Variants in ASMTL observed in about 807,000 individuals in gnomAD.
The protein encoded by ASMTL is acetylserotonin O-methyltransferase like.
In ASMTL, 57 loss-of-function variants were observed where a neutral mutation model predicts 60.3. That is an observed-to-expected ratio of 0.95 (90% CI 0.76 to 1.18). The LOEUF is 1.18. Among genes scored for constraint, ASMTL ranks in the 50% most tolerant of loss-of-function variants. The pLI is 0.00. For missense variants in ASMTL, 981 were observed against 852.6 expected (o/e 1.15, Z -1.88); for synonymous variants, 419 against 373.0 (o/e 1.12, Z -1.42).
chrX:1,428,883 C>T (rs1482484437), intron 6 of ASMTL, among the ~76,000 whole-genome samples: 1 of 142,990 alleles, frequency 7.0e-6, no homozygotes, highest in Non-Finnish European at 1.5e-5. Flanking sequence ...TTCCTCCTGT[C>T]TCACTTTTTT....
intron 3 of ASMTL, among the ~76,000 whole-genome samples, chrX:1,437,483 C>A (rs1351579330): frequency 1.3e-5 from 2 of 151,930 alleles, no homozygotes; most frequent in Non-Finnish European, 2.9e-5. Context: ...CCGTCTTCCC[C>A]CTGTGTCCTC....
At chrX:1,434,907 C>A in intron 5 of ASMTL, 115 bp downstream of exon 5, 1 of 1,100,806 alleles carries the variant, frequency 9.1e-7, no homozygotes, top group Non-Finnish European at 1.4e-6. Context: ...AGGCACAAAC[C>A]CCTCCACAGG....
At position 1,421,877 on chromosome X, in the gene ASMTL, C is replaced by T. The variant is rs200978780; in HGVS notation, c.1061-35G>A. Reference sequence around the variant, plus strand: ...TGGGGACAGTCGTGTGACCTCCTAACGAGAAAACCCAAGGAAACCTGACCG... The same window carrying T: ...TGGGGACAGTCGTGTGACCTCCTAATGAGAAAACCCAAGGAAACCTGACCG... On this transcript the variant is annotated intron_variant, in intron 8 of 12. Transcript: ENST00000381317. 6.4e-5 allele frequency: 103 copies of T among 1,605,866 alleles called. No homozygotes were observed. In the East Asian group the frequency reaches 1.2e-3, roughly 19 times the overall value.
chrX:1,452,779 GA>G lies in ASMTL; in HGVS notation c.61del (p.Ser21ProfsTer71), dbSNP rs778776897. ...LHKRVVLASA[S>X]PRRQEILSNA... ...GCTGAGGATCTCCTGACGGCGTGGG[GA>G]GGCGCTGGCCAGCACCACGCGCTTG... On this transcript the variant is annotated frameshift_variant, in exon 1 of 13. Coordinates refer to ENST00000381317, the MANE Select transcript of ASMTL (RefSeq NM_004192.4). LOFTEE classifies it high-confidence loss of function. 4.5e-5 allele frequency: 72 copies of G among 1,597,048 alleles called. No homozygotes were observed. The highest frequency in any genetic ancestry group is 5.8e-5 in the Non-Finnish European group (68 of 1,177,462).
chrX:1,411,721 G>A (rs773582587), intron 12 of ASMTL, among the ~76,000 whole-genome samples: 1 of 101,714 alleles, frequency 9.8e-6, no homozygotes, highest in South Asian at 2.6e-4. Context: ...CCTCCTCAGT[G>A]TGAAGACCTC....
At position 1,439,173 on chromosome X, in the gene ASMTL, G is replaced by A. The variant is rs185683554; in HGVS notation, c.226-29C>T. 3.7e-5 allele frequency: 60 copies of A among 1,612,788 alleles called. 1 individual carries two copies. The African/African-American group carries it at 3.7e-4, about 10-fold the overall frequency. ...TAAGAAAACCAGATTCCGGTTTACC[G>A]GTGACGTGCCGTGGGTCTCACAGAG... is the stretch of plus-strand genomic sequence containing the variant. On this transcript the variant is annotated intron_variant, in intron 2 of 12. Transcript: ENST00000381317.
chrX:1,416,802 GCA>G (rs1328539898), intron 11 of ASMTL, among the ~76,000 whole-genome samples: 10 of 142,900 alleles, frequency 7.0e-5, no homozygotes, highest in Non-Finnish European at 1.2e-4. Flanking sequence ...GCAGTGACAT[GCA>G]CACACACCAT....
rs1323625098 is a variant in ASMTL, at chrX:1,417,643, CCACACAGACACA to C, written c.1522+318_1522+329del. ...CACACACAGACATGCACACATATAC[CCACACAGACACA>C]CACACATACTCTCACAGAAACATAT... On this transcript the variant is annotated intron_variant, in intron 11 of 12. Transcript: ENST00000381317. Among the ~76,000 whole-genome samples the C allele has an allele frequency of 8.0e-5, 12 of 150,844 alleles. 1 individual carries two copies. Among genetic ancestry groups the C allele is most frequent in the East Asian group, 3.9e-4 (2 of 5,116 alleles).
chrX:1,410,945 G>A lies in ASMTL; in HGVS notation c.1645+1787C>T, dbSNP rs373031770. Among the ~76,000 whole-genome samples, 58 of 152,078 alleles carry A rather than the reference G, an allele frequency of 3.8e-4. 1 individual carries two copies. Among genetic ancestry groups the A allele is most frequent in the African/African-American group, 1.3e-3 (55 of 41,518 alleles). On this transcript the variant is annotated intron_variant, in intron 12 of 12. Transcript: ENST00000381317. ...TCACGCCTGTAATCCCAACACTTTG[G>A]GAGTCCCAGCTGGGTGGATCACCCG...
chrX:1,419,189 G>T (rs766703983), intron 9 of ASMTL, 75 bp from the exon 10 acceptor site: 10 of 1,560,072 alleles, frequency 6.4e-6, no homozygotes, highest in African/African-American at 4.0e-5. Context: ...CTGGGGGTCG[G>T]GGGGAGAAGT....
At chrX:1,451,836 C>A (rs1372144902) in intron 1 of ASMTL, among the ~76,000 whole-genome samples, 2 of 146,538 alleles carry the variant, frequency 1.4e-5, no homozygotes, top group Non-Finnish European at 3.0e-5. Flanking sequence ...GGGTTACTCT[C>A]CCCATCCCCA....
Position 1,439,086 on chromosome X carries a change from G to A in ASMTL, c.273+11C>T. 1 of 1,613,876 alleles carries A rather than the reference G, an allele frequency of 6.2e-7. No individual in the cohort carries two copies. The highest frequency in any genetic ancestry group is 8.5e-7 in the Non-Finnish European group (1 of 1,179,750). ...CGGACATTAGAAACGAGGCACCCTG[G>A]CCGCACTCACCACGATCGTGTCCGC... On this transcript the variant is annotated intron_variant, in intron 3 of 12. Transcript: ENST00000381317.
chrX:1,407,968 G>T (rs1406541759), intron 12 of ASMTL, among the ~76,000 whole-genome samples: 2 of 152,116 alleles, frequency 1.3e-5, no homozygotes, highest in Non-Finnish European at 2.9e-5. Context: ...ATTTTGGGAG[G>T]CTGAGGCAGG....
chrX:1,426,232 C>G (rs1392568117), intron 7 of ASMTL, among the ~76,000 whole-genome samples: 1 of 152,116 alleles, frequency 6.6e-6, no homozygotes, highest in African/African-American at 2.4e-5. Flanking sequence ...GACCTCCAGC[C>G]TCCAGGACTG....
intron 4 of ASMTL, 137 bp downstream of exon 4, chrX:1,435,557 C>T (rs1359535102): frequency 1.2e-6 from 1 of 812,374 alleles, no homozygotes; most frequent in Non-Finnish European, 2.1e-6. Context: ...ATAGCTCAGA[C>T]AGCACAGCTC....
At chrX:1,443,002 A>G (rs1378366979) in intron 1 of ASMTL, among the ~76,000 whole-genome samples, 6 of 152,222 alleles carry the variant, frequency 3.9e-5, no homozygotes, top group African/African-American at 1.4e-4. Context: ...GCCATCTTGG[A>G]CACACACCGC....
chrX:1,417,829 C>A, intron 11 of ASMTL, 144 bp downstream of exon 11: 1 of 1,038,328 alleles, frequency 9.6e-7, no homozygotes. Flanking sequence ...ACACAAGCAC[C>A]GTAGACAGTC....
chrX:1,420,295 T>TTGTCTCCC (rs1569532626), intron 9 of ASMTL, among the ~76,000 whole-genome samples: 1 of 151,166 alleles, frequency 6.6e-6, no homozygotes, highest in Non-Finnish European at 1.5e-5. Context: ...GTCTCCCTGT[T>TTGTCTCCC]TCTGTCTCCC....
intron 11 of ASMTL, among the ~76,000 whole-genome samples, chrX:1,414,859 T>C (rs1460856972): frequency 6.6e-6 from 1 of 152,152 alleles, no homozygotes; most frequent in Non-Finnish European, 1.5e-5. Context: ...GGGAGGGTTG[T>C]GGAGGTCCCC....
Sources: allele counts gnomAD v4.1 joint callset (sites outside exome capture counted in the v4.1 genomes callset), GRCh38; gene constraint gnomAD v4.1.1; transcripts MANE v1.5; gene names NCBI Gene and HGNC (gene_info 2026-07-23, HGNC 2026-07-21).